The following CENPF variants were observed in gnomAD, a reference collection of about 807,000 sequenced individuals.
The protein encoded by CENPF is AH antigen.
A neutral mutation model predicts 307.3 loss-of-function variants in CENPF; 214 were observed. That is an observed-to-expected ratio of 0.70 (90% confidence interval 0.62 to 0.78). The LOEUF (loss-of-function observed/expected upper bound fraction) is 0.78, where lower values mean the gene tolerates loss of function less well. CENPF is among the 30% of genes least tolerant of loss of function. CENPF has a pLI of 0.00. For synonymous variants in CENPF, 1,259 were observed against 1,270.6 expected, an observed-to-expected ratio of 0.99 and a Z score of 0.19; for missense variants, 3,401 against 3,483.9, an observed-to-expected ratio of 0.98 and a Z score of 0.60.
intron 1 of CENPF, among the ~76,000 whole-genome samples, chr1:214,606,436 C>T (rs1372233947): frequency 6.6e-6 from 1 of 152,196 alleles, no homozygotes; most frequent in Admixed American, 6.5e-5. Context: ...TGTGTGCCCC[C>T]CACATCCTGA....
chr1:214,644,860 G>A lies in CENPF; in HGVS notation c.5290G>A (p.Gly1764Arg), dbSNP rs1359044839. The change falls in exon 13 of 20, where the codon GGG (glycine) becomes AGG (arginine). Residue 1764 changes from glycine (G) to arginine (R), a missense_variant. Coordinates refer to ENST00000366955, the MANE Select transcript of CENPF (RefSeq NM_016343.4). ...TGCTTTGGTACCTATGGATTTCCTG[G>A]GGAATCAGGAAGATATCCATAATCT... ...PNALVPMDFL[G>R]NQEDIHNLQL... 1 of 1,613,794 alleles carries A rather than the reference G, an allele frequency of 6.2e-7. No individual in the cohort carries two copies. The highest frequency in any genetic ancestry group is 8.5e-7 in the Non-Finnish European group (1 of 1,179,966).
chr1:214,616,871 T>A, intron 3 of CENPF, among the ~76,000 whole-genome samples: 1 of 91,788 alleles, frequency 1.1e-5, no homozygotes, highest in African/African-American at 4.3e-5. Flanking sequence ...CTTTCTTTCT[T>A]TCTTTCTTTC....
chr1:214,625,956 C>T (rs541931564), intron 7 of CENPF, among the ~76,000 whole-genome samples: 2 of 152,194 alleles, frequency 1.3e-5, no homozygotes, highest in East Asian at 3.9e-4. Flanking sequence ...TTTTAAAAAG[C>T]TGAGGAAGAG....
intron 7 of CENPF, among the ~76,000 whole-genome samples, chr1:214,624,618 G>T (rs140996457): frequency 1.6e-3 from 247 of 151,978 alleles, no homozygotes; most frequent in African/African-American, 5.7e-3. Context: ...TTGGTAATTT[G>T]TGTCTTCTCT....
chr1:214,640,763 T>A lies in CENPF; in HGVS notation c.2425T>A (p.Ser809Thr). 1 of 1,613,960 alleles carries A rather than the reference T, an allele frequency of 6.2e-7. No homozygotes were observed. The highest frequency in any genetic ancestry group is 1.1e-5 in the South Asian group (1 of 91,006). Residue 809 changes from serine (S) to threonine (T), a missense_variant, in exon 12 of 20, where the codon TCA (serine) becomes ACA (threonine). Transcript: ENST00000366955. The part of the protein sequence containing the change: ...NIIGEQGSMP[S>T]ERSECRLEAD... ...AATTGGAGAACAAGGAAGCATGCCT[T>A]CAGAGAGGAGTGAATGTCGTTTAGA... is the stretch of plus-strand genomic sequence containing the variant.
At position 214,651,796 on chromosome 1, in the gene CENPF, G is replaced by A. The variant is rs1208396825; in HGVS notation, c.8070G>A (p.Gly2690=). Residue 2690 remains glycine, a synonymous_variant, in exon 15 of 20, where the codon GGG becomes GGA. Coordinates refer to ENST00000366955, the MANE Select transcript of CENPF (RefSeq NM_016343.4). ...ACAAAGACCAGGTGGAAAAGGAAGG[G>A]AAAGTGAGAGAGGAAATAGCTGAAT... ...CMHKDQVEKE[G]KVREEIAEYQ... The A allele has an allele frequency of 2.5e-6, 4 of 1,613,558 alleles. No homozygotes were observed. The highest frequency in any genetic ancestry group is 3.4e-6 in the Non-Finnish European group (4 of 1,179,878).
At chr1:214,637,827 A>G (rs1658003337) in intron 10 of CENPF, 39 bp from the exon 11 acceptor site, 1 of 1,584,422 alleles carries the variant, frequency 6.3e-7, no homozygotes, top group African/African-American at 1.4e-5. Flanking sequence ...TTACTTGAGC[A>G]TTCGTTTTGG....
intron 1 of CENPF, chr1:214,608,774 CG>C: frequency 6.2e-7 from 1 of 1,600,622 alleles, no homozygotes; most frequent in Non-Finnish European, 8.5e-7. Flanking sequence ...AGCTTGGCAG[CG>C]ATGCGGCCGG....
At chr1:214,661,553 G>GA (rs1172704552) in intron 19 of CENPF, among the ~76,000 whole-genome samples, 1 of 152,148 alleles carries the variant, frequency 6.6e-6, no homozygotes, top group African/African-American at 2.4e-5. Context: ...GTTCAAAGGG[G>GA]AAAAAACTGG....
At chr1:214,625,731 C>G (rs1461362493) in intron 7 of CENPF, among the ~76,000 whole-genome samples, 1 of 151,706 alleles carries the variant, frequency 6.6e-6, no homozygotes, top group Non-Finnish European at 1.5e-5. Context: ...CAGTGAATCT[C>G]TTTGTAGAGC....
Position 214,646,348 on chromosome 1 carries a change from A to T in CENPF, c.6778A>T (p.Met2260Leu). ...IKEESKTAVE[M>L]LQNQLKELNE... ...AGAAGAATCTAAAACTGCAGTGGAG[A>T]TGCTTCAGAATCAGTTAAAGGAGCT... The change falls in exon 13 of 20, where the codon ATG becomes TTG. Residue 2260 changes from methionine (M) to leucine (L), a missense_variant. Transcript: ENST00000366955. 1 of 1,613,958 alleles carries T rather than the reference A, an allele frequency of 6.2e-7. No homozygotes were observed. Among genetic ancestry groups the T allele is most frequent in the African/African-American group, 1.3e-5 (1 of 75,016 alleles).
At position 214,659,629 on chromosome 1, in the gene CENPF, A is replaced by G. The variant is rs1013318122; in HGVS notation, c.9141+601A>G. Among the ~76,000 whole-genome samples the G allele has an allele frequency of 1.3e-5, 2 of 152,226 alleles. No individual in the cohort carries two copies. Among genetic ancestry groups the G allele is most frequent in the African/African-American group, 4.8e-5 (2 of 41,464 alleles). ...TGCTTAACAGATCTTTATTCCTGTT[A>G]CTATGATCCATACCAGCAGCTGCCA... On this transcript the variant is annotated intron_variant, in intron 19 of 19. Transcript: ENST00000366955. The surrounding 1 kb of genome is among the most constrained non-coding windows in gnomAD (Gnocchi z 4.4).
chr1:214,605,585 CG>C (rs112085631), intron 1 of CENPF: 34,949 of 1,141,776 alleles, frequency 0.031, 2,324 homozygotes, highest in African/African-American at 0.25. Context: ...CTGGGCCGCC[CG>C]GGGGTCCACA....
At chr1:214,633,775 A>G (rs1657875388) in intron 10 of CENPF, among the ~76,000 whole-genome samples, 1 of 152,240 alleles carries the variant, frequency 6.6e-6, no homozygotes, top group Non-Finnish European at 1.5e-5. Flanking sequence ...TAGTTTCATC[A>G]GCAAACGTTT....
At chr1:214,655,839 C>T (rs1486320392) in intron 17 of CENPF, among the ~76,000 whole-genome samples, 2 of 152,176 alleles carry the variant, frequency 1.3e-5, no homozygotes, top group Admixed American at 1.3e-4. Flanking sequence ...AATCTGCCCA[C>T]CTTGGCCTCC....
At chr1:214,662,132 A>G (rs541727344) in intron 19 of CENPF, among the ~76,000 whole-genome samples, 1 of 152,132 alleles carries the variant, frequency 6.6e-6, no homozygotes, top group Non-Finnish European at 1.5e-5. Context: ...ATAGGCTCAA[A>G]CTTTCTGTTT....
At chr1:214,662,234 G>A (rs929605031) in intron 19 of CENPF, among the ~76,000 whole-genome samples, 1 of 150,600 alleles carries the variant, frequency 6.6e-6, no homozygotes. Context: ...CCTTGTCTTT[G>A]GAATCACTAT....
chr1:214,637,465 ATT>A (rs371394971), intron 10 of CENPF, among the ~76,000 whole-genome samples: 9 of 143,366 alleles, frequency 6.3e-5, no homozygotes, highest in African/African-American at 7.6e-5. Flanking sequence ...ATGTGCTGAG[ATT>A]TTTTTTTTTT....
chr1:214,618,684 A>G lies in CENPF; in HGVS notation c.471A>G (p.Gln157=), dbSNP rs1161764480. Reference sequence around the variant, plus strand: ...TTACAACTCCACTAACACCAAGTCAATATTATAGTGGTAATGCATTTTCTT... The same window carrying G: ...TTACAACTCCACTAACACCAAGTCAGTATTATAGTGGTAATGCATTTTCTT... ...KIFTTPLTPS[Q]YYSGSKYEDL... is the part of the protein sequence containing the mutation. The change falls in exon 4 of 20, where the codon CAA becomes CAG. Residue 157 remains glutamine, a synonymous_variant. Transcript: ENST00000366955. The G allele has an allele frequency of 6.2e-7, 1 of 1,613,300 alleles. No homozygotes were observed. Among genetic ancestry groups the G allele is most frequent in the Non-Finnish European group, 8.5e-7 (1 of 1,179,800 alleles).
Sources: allele counts gnomAD v4.1 joint callset (sites outside exome capture counted in the v4.1 genomes callset), GRCh38; gene constraint gnomAD v4.1.1; non-coding constraint Gnocchi (gnomAD v3.1); transcripts MANE v1.5; gene names NCBI Gene and HGNC (gene_info 2026-07-23, HGNC 2026-07-21).